Variants in SH2D4B observed in about 807,000 individuals in gnomAD.
SH2D4B encodes SH2 domain-containing protein 4B.
In SH2D4B, 45 loss-of-function variants were observed where a neutral mutation model predicts 61.5. The ratio of observed to expected loss-of-function variants is 0.73; its 90% CI spans 0.58 to 0.94. The LOEUF (loss-of-function observed/expected upper bound fraction) is 0.94. Ranked by LOEUF, SH2D4B falls within the 40% of genes least tolerant of loss-of-function variation. The pLI, the probability that SH2D4B is intolerant of heterozygous loss-of-function variation, is 0.00. For synonymous variants in SH2D4B, 224 were observed against 220.4 expected (o/e 1.02, Z -0.14); for missense variants, 572 against 574.2 (o/e 1.00, Z 0.04).
chr10:80,538,394 T>C lies in SH2D4B; in HGVS notation c.63T>C (p.Asp21=). ...CCGAGCTCCTTGCCGAGCTCAGCGATGTGCAGAAGCACATCCTCTTCTACA... is the reference window on the plus strand; with the variant it reads ...CCGAGCTCCTTGCCGAGCTCAGCGACGTGCAGAAGCACATCCTCTTCTACA... ...IDPELLAELS[D]VQKHILFYKM... The change falls in exon 1 of 8, where the codon GAT becomes GAC. Residue 21 remains aspartate, a synonymous_variant. Coordinates refer to ENST00000646907, the MANE Select transcript of SH2D4B (RefSeq NM_001388272.1). This position sits in a 1 kb window ranked among gnomAD's most constrained non-coding sequence, Gnocchi z 4.8. 1.4e-6 allele frequency: 2 copies of C among 1,448,968 alleles called. No individual in the cohort carries two copies. The highest frequency in any genetic ancestry group is 1.8e-6 in the Non-Finnish European group (2 of 1,097,662). The allele number at this position is 1,448,968 out of a possible 1,614,324, so 89.8% of individuals were successfully genotyped here. A position where few individuals can be genotyped will look rare whatever the true frequency, so the allele number is the denominator to read the frequency against.
chr10:80,625,121 G>A (rs921344648), intron 6 of SH2D4B, among the ~76,000 whole-genome samples: 11 of 151,966 alleles, frequency 7.2e-5, no homozygotes, highest in Non-Finnish European at 1.6e-4. Flanking sequence ...TAATATAAAT[G>A]TCACAGTGTA....
intron 4 of SH2D4B, among the ~76,000 whole-genome samples, chr10:80,595,888 T>C (rs1842379401): frequency 6.6e-6 from 1 of 152,220 alleles, no homozygotes; most frequent in Admixed American, 6.5e-5. Flanking sequence ...AATCACATTA[T>C]GGAATGCATG....
intron 1 of SH2D4B, among the ~76,000 whole-genome samples, chr10:80,546,026 T>C (rs141852471): frequency 0.021 from 3,113 of 150,218 alleles, 45 homozygotes; most frequent in Middle Eastern, 0.041. Flanking sequence ...TTCTTTCTCT[T>C]TCTTTCTTTC....
At chr10:80,606,372 G>T (rs1842520141) in intron 5 of SH2D4B, among the ~76,000 whole-genome samples, 1 of 150,774 alleles carries the variant, frequency 6.6e-6, no homozygotes, top group South Asian at 2.1e-4. Context: ...TTGAGACTGA[G>T]TCACTCTGTC....
At chr10:80,540,269 G>A (rs1298785238) in intron 1 of SH2D4B, among the ~76,000 whole-genome samples, 3 of 152,102 alleles carry the variant, frequency 2.0e-5, no homozygotes, top group African/African-American at 4.8e-5. Flanking sequence ...TCTTTGCTTC[G>A]GTCCTGCCTT....
At chr10:80,609,000 C>T (rs1842556912) in intron 5 of SH2D4B, among the ~76,000 whole-genome samples, 1 of 152,180 alleles carries the variant, frequency 6.6e-6, no homozygotes, top group Admixed American at 6.5e-5. Flanking sequence ...CATTTACTTT[C>T]CGTCAGGAGC....
Position 80,566,347 on chromosome 10 carries a change from G to A in SH2D4B, c.185-3807G>A, listed in dbSNP as rs184195615. 1.4e-3 allele frequency among the ~76,000 whole-genome samples: 214 copies of A among 148,480 alleles called. 1 individual carries two copies. The Middle Eastern group carries it at 0.031, about 22-fold the overall frequency. On this transcript the variant is annotated intron_variant, in intron 1 of 7. Coordinates refer to ENST00000646907, the MANE Select transcript of SH2D4B (RefSeq NM_001388272.1). ...GTCTCACTCTGTTTCCCAGGCTGGAGTGCAGTGGCGTGATCTTGGCTCACT... is the reference window on the plus strand; with the variant it reads ...GTCTCACTCTGTTTCCCAGGCTGGAATGCAGTGGCGTGATCTTGGCTCACT...
intron 4 of SH2D4B, among the ~76,000 whole-genome samples, chr10:80,602,491 T>C (rs899373474): frequency 2.0e-5 from 3 of 152,144 alleles, no homozygotes; most frequent in Admixed American, 6.5e-5. Context: ...CATCTATTAA[T>C]ATATGTGTAT....
intron 1 of SH2D4B, among the ~76,000 whole-genome samples, chr10:80,564,904 T>C (rs1034247804): frequency 3.9e-5 from 6 of 152,248 alleles, no homozygotes; most frequent in Non-Finnish European, 8.8e-5. Flanking sequence ...AATGAATGAT[T>C]TGCCAATCGG....
At chr10:80,565,992 G>A (rs1183362236) in intron 1 of SH2D4B, among the ~76,000 whole-genome samples, 1 of 149,158 alleles carries the variant, frequency 6.7e-6, no homozygotes, top group African/African-American at 2.5e-5. Context: ...TCCGGAGGCT[G>A]AGGCAGGAAG....
chr10:80,636,793 A>AT (rs1185806521), intron 7 of SH2D4B, among the ~76,000 whole-genome samples: 2 of 152,076 alleles, frequency 1.3e-5, no homozygotes, highest in Admixed American at 6.5e-5. Flanking sequence ...CTTTAGTTCG[A>AT]TAGATCCCAT....
intron 1 of SH2D4B, among the ~76,000 whole-genome samples, chr10:80,544,175 A>G (rs192376807): frequency 0.015 from 2,266 of 152,224 alleles, 52 homozygotes; most frequent in African/African-American, 0.052. Flanking sequence ...GAAGGTCTGC[A>G]GCTTCACTCC....
At chr10:80,548,843 G>T (rs1325253581) in intron 1 of SH2D4B, among the ~76,000 whole-genome samples, 2 of 152,178 alleles carry the variant, frequency 1.3e-5, no homozygotes, top group East Asian at 1.9e-4. Context: ...TCTCAGCAAT[G>T]GGGGGTGACT....
At chr10:80,639,526 C>T (rs1216259117) in intron 7 of SH2D4B, among the ~76,000 whole-genome samples, 1 of 152,162 alleles carries the variant, frequency 6.6e-6, no homozygotes, top group South Asian at 2.1e-4. Context: ...ATCCCTTTAC[C>T]ATTATGTAAT....
Position 80,539,582 on chromosome 10 carries a change from G to C in SH2D4B, c.184+1067G>C, listed in dbSNP as rs73307105. Among the ~76,000 whole-genome samples the C allele has an allele frequency of 2.0e-5, 3 of 152,210 alleles. No individual in the cohort carries two copies. The highest frequency in any genetic ancestry group is 7.2e-5 in the African/African-American group (3 of 41,462). On this transcript the variant is annotated intron_variant, in intron 1 of 7. Transcript: ENST00000646907. This position sits in a 1 kb window ranked among gnomAD's most constrained non-coding sequence, Gnocchi z 4.9. The stretch of plus-strand genomic sequence containing the variant: ...CCACCTGACAGACTCCATCAGGAGT[G>C]GCCCCCCTGCCCTGGAGTGTTCAGG...
intron 4 of SH2D4B, among the ~76,000 whole-genome samples, chr10:80,601,328 T>C (rs1052005165): frequency 6.6e-6 from 1 of 152,206 alleles, no homozygotes; most frequent in Non-Finnish European, 1.5e-5. Flanking sequence ...GACAATACTT[T>C]ATTGGTCTCT....
chr10:80,576,571 C>T (rs779669240), intron 3 of SH2D4B, among the ~76,000 whole-genome samples: 2 of 152,152 alleles, frequency 1.3e-5, no homozygotes. Context: ...GTGTGGAACT[C>T]TTCATCACAG....
intron 6 of SH2D4B, among the ~76,000 whole-genome samples, chr10:80,612,163 G>A (rs1229938873): frequency 2.1e-5 from 3 of 143,314 alleles, no homozygotes; most frequent in African/African-American, 5.2e-5. Flanking sequence ...TTAGCAGCCC[G>A]GGACCTCCCC....
At chr10:80,560,170 G>T (rs1258734675) in intron 1 of SH2D4B, among the ~76,000 whole-genome samples, 2 of 151,418 alleles carry the variant, frequency 1.3e-5, no homozygotes, top group African/African-American at 4.9e-5. Context: ...TGTATTTTTA[G>T]TAGAGACGGG....
Sources: gnomAD v4.1 joint callset for allele counts (sites outside exome capture counted in the v4.1 genomes callset) on GRCh38, gnomAD v4.1.1 for gene constraint, Gnocchi (gnomAD v3.1) non-coding constraint, MANE v1.5 for transcripts, NCBI Gene and HGNC (gene_info 2026-07-23, HGNC 2026-07-21) for gene names.